PPP6R3: variants seen among roughly 807,000 people sequenced by gnomAD.
PPP6R3 encodes protein phosphatase 6 regulatory subunit 3, also known as serine/threonine-protein phosphatase 6 regulatory subunit 3.
PPP6R3 carries 38 observed loss-of-function variants against 110.7 expected under a neutral mutation model. That is an observed-to-expected ratio of 0.34 (90% CI 0.26 to 0.45). PPP6R3 has a LOEUF of 0.45. PPP6R3 is among the 20% of genes least tolerant of loss of function. PPP6R3 has a pLI of 1.00. For synonymous variants in PPP6R3, 369 were observed against 373.5 expected, an observed-to-expected ratio of 0.99 and a Z score of 0.14; for missense variants, 870 against 1,062.4, an observed-to-expected ratio of 0.82 and a Z score of 2.52.
chr11:68,529,380 G>A (rs1309919603), intron 2 of PPP6R3, among the ~76,000 whole-genome samples: 2 of 152,098 alleles, frequency 1.3e-5, no homozygotes, highest in Admixed American at 6.6e-5. Context: ...CATTGTGCCC[G>A]GCTAATTTTT....
chr11:68,508,192 A>G (rs933696958), intron 1 of PPP6R3, among the ~76,000 whole-genome samples: 1 of 130,510 alleles, frequency 7.7e-6, no homozygotes, highest in Non-Finnish European at 1.5e-5. Flanking sequence ...GCAGTGGCAC[A>G]GTCTTGGCTC....
intron 1 of PPP6R3, among the ~76,000 whole-genome samples, chr11:68,467,199 C>T (rs1447187247): frequency 6.6e-6 from 1 of 152,152 alleles, no homozygotes; most frequent in Non-Finnish European, 1.5e-5. Context: ...AATTAAAGTT[C>T]GATAGGTTCT....
At chr11:68,612,970 A>G in intron 23 of PPP6R3, 96 bp from the exon 24 acceptor site, 10 of 1,581,294 alleles carry the variant, frequency 6.3e-6, no homozygotes, top group Non-Finnish European at 8.6e-6. Flanking sequence ...CAATGTTAAA[A>G]TAAGTTGTCC....
At chr11:68,477,741 A>AAAAAATATATATATATATATATAT in intron 1 of PPP6R3, among the ~76,000 whole-genome samples, 1 of 57,908 alleles carries the variant, frequency 1.7e-5, no homozygotes, top group Non-Finnish European at 3.3e-5. Flanking sequence ...AAAAAAAAAA[A>AAAAAATATATATATATATATATAT]ATATATATAT....
chr11:68,525,300 T>A (rs1478261193), intron 2 of PPP6R3, among the ~76,000 whole-genome samples: 1 of 152,216 alleles, frequency 6.6e-6, no homozygotes, highest in African/African-American at 2.4e-5. Context: ...TGTTAAAAAT[T>A]ATGTTTCCAC....
At chr11:68,512,008 C>T (rs1277096241) in intron 1 of PPP6R3, among the ~76,000 whole-genome samples, 1 of 152,112 alleles carries the variant, frequency 6.6e-6, no homozygotes, top group Non-Finnish European at 1.5e-5. Flanking sequence ...TTGTTGCTCT[C>T]CTTAGTTTTA....
chr11:68,465,693 C>T (rs367547163), intron 1 of PPP6R3, among the ~76,000 whole-genome samples: 4 of 152,180 alleles, frequency 2.6e-5, no homozygotes, highest in African/African-American at 7.2e-5. Flanking sequence ...TGAACAGGCC[C>T]TTAAGGACCT....
intron 1 of PPP6R3, among the ~76,000 whole-genome samples, chr11:68,474,680 T>C (rs1259106064): frequency 1.3e-5 from 2 of 152,198 alleles, no homozygotes; most frequent in African/African-American, 2.4e-5. Flanking sequence ...GGTAAGACCA[T>C]TGGGGCCTAG....
chr11:68,606,478 G>GT (rs11344213), intron 22 of PPP6R3, among the ~76,000 whole-genome samples: 2,739 of 129,516 alleles, frequency 0.021, 69 homozygotes, highest in African/African-American at 0.062. Context: ...AATTTATGTA[G>GT]TTTTTTTTTT....
At position 68,586,114 on chromosome 11, in the gene PPP6R3, AT is replaced by A. The variant is rs201309254; in HGVS notation, c.1633-1804del. On this transcript the variant is annotated intron_variant, in intron 15 of 23. Coordinates refer to ENST00000393800, the MANE Select transcript of PPP6R3 (RefSeq NM_001164161.2). The stretch of plus-strand genomic sequence containing the variant: ...GGCAAGACCCTGTCTCTTAAAAAAA[AT>A]TTTTTTTTGGAGGGGAAAAATAAAA... Among the ~76,000 whole-genome samples, 9 of 151,554 alleles carry A rather than the reference AT, an allele frequency of 5.9e-5. No individual in the cohort carries two copies. In the East Asian group the frequency reaches 1.4e-3, roughly 23 times the overall value.
At chr11:68,496,002 T>G (rs1460504876) in intron 1 of PPP6R3, among the ~76,000 whole-genome samples, 1 of 152,158 alleles carries the variant, frequency 6.6e-6, no homozygotes, top group South Asian at 2.1e-4. Flanking sequence ...TTTTGTTTTT[T>G]GAGACAGCGT....
At chr11:68,486,969 ATTTCTC>A (rs1259553861) in intron 1 of PPP6R3, among the ~76,000 whole-genome samples, 1 of 151,928 alleles carries the variant, frequency 6.6e-6, no homozygotes, top group Non-Finnish European at 1.5e-5. Flanking sequence ...GTCTTCTCTC[ATTTCTC>A]TTTCTCCTCA....
At chr11:68,524,225 G>A (rs488381) in intron 2 of PPP6R3, among the ~76,000 whole-genome samples, 92,806 of 151,994 alleles carry the variant, frequency 0.61, 29,599 homozygotes, top group South Asian at 0.8. Flanking sequence ...TAGATAATTT[G>A]CACTTTTTAC....
chr11:68,518,299 T>A (rs1010593271), intron 1 of PPP6R3, among the ~76,000 whole-genome samples: 1 of 152,254 alleles, frequency 6.6e-6, no homozygotes, highest in Non-Finnish European at 1.5e-5. Context: ...TGACATCATC[T>A]TGTCTCTTTC....
intron 8 of PPP6R3, among the ~76,000 whole-genome samples, chr11:68,562,657 G>C (rs2099429459): frequency 6.6e-6 from 1 of 152,232 alleles, no homozygotes; most frequent in South Asian, 2.1e-4. Context: ...CAGTTCAGCG[G>C]AGAAAGGACA....
intron 15 of PPP6R3, 91 bp from the exon 16 acceptor site, chr11:68,587,836 A>G (rs1481370294): frequency 9.1e-7 from 1 of 1,095,782 alleles, no homozygotes; most frequent in Non-Finnish European, 1.4e-6. Context: ...GGCTATGTAA[A>G]TAAGATGATT....
In PPP6R3 at chr11:68,600,512, GTC is replaced by G; in HGVS notation, c.2192+22_2192+23del. On this transcript the variant is annotated intron_variant, in intron 20 of 23. Coordinates refer to ENST00000393800, the MANE Select transcript of PPP6R3 (RefSeq NM_001164161.2). ...TCCCTGAGGTGAGCGAACATGTGCT[GTC>G]TCTACACCCTTCCACGGGGGACCTG... The G allele has an allele frequency of 6.2e-7, 1 of 1,610,436 alleles. No homozygotes were observed.
Position 68,482,669 on chromosome 11 carries a change from G to GT in PPP6R3, c.-158+21848dup, listed in dbSNP as rs200730399. ...TTTTGGTTTGGGATAGAAAGTCTTAGTTTTTTAAAAAAAATTAATATGTGA... is the reference window on the plus strand; with the variant it reads ...TTTTGGTTTGGGATAGAAAGTCTTAGTTTTTTTAAAAAAAATTAATATGTGA... On this transcript the variant is annotated intron_variant, in intron 1 of 23. Transcript: ENST00000393800. Among the ~76,000 whole-genome samples the GT allele has an allele frequency of 3.0e-4, 46 of 151,844 alleles. No homozygotes were observed. The East Asian group carries it at 7.7e-3, about 26-fold the overall frequency.
At chr11:68,500,095 T>G (rs2099040274) in intron 1 of PPP6R3, among the ~76,000 whole-genome samples, 1 of 152,180 alleles carries the variant, frequency 6.6e-6, no homozygotes, top group Non-Finnish European at 1.5e-5. Flanking sequence ...AATATGTTAG[T>G]ATATGTTCTC....
Sources: gnomAD v4.1 joint callset for allele counts (sites outside exome capture counted in the v4.1 genomes callset) on GRCh38, gnomAD v4.1.1 for gene constraint, MANE v1.5 for transcripts, NCBI Gene and HGNC (gene_info 2026-07-23, HGNC 2026-07-21) for gene names.